MECOM: variants seen among roughly 807,000 people sequenced by gnomAD.
MECOM encodes the protein MDS1 and EVI1 complex locus, also known as histone-lysine N-methyltransferase MECOM.
In MECOM, 13 loss-of-function variants were observed where a neutral mutation model predicts 116.3. That is an observed-to-expected ratio of 0.11 (90% CI 0.07 to 0.18). The LOEUF is 0.18. Among genes scored for constraint, MECOM ranks in the 10% least tolerant of loss-of-function variants. MECOM has a pLI of 1.00. For missense variants in MECOM, 1,299 were observed against 1,509.0 expected (o/e 0.86, Z 2.31); for synonymous variants, 528 against 535.2 (o/e 0.99, Z 0.19).
chr3:169,407,878 G>T (rs74657814), intron 1 of MECOM, among the ~76,000 whole-genome samples: 1 of 152,152 alleles, frequency 6.6e-6, no homozygotes, highest in Non-Finnish European at 1.5e-5. Context: ...ACTTCTTGAT[G>T]GTTATCCAGA....
intron 2 of MECOM, among the ~76,000 whole-genome samples, chr3:169,318,275 T>TTAAA (rs1210352268): frequency 5.9e-4 from 90 of 152,084 alleles, no homozygotes; most frequent in African/African-American, 2.1e-3. Context: ...ATAAATAGGA[T>TTAAA]CTAATTAAAC....
chr3:169,605,588 G>A (rs766280486), intron 1 of MECOM, among the ~76,000 whole-genome samples: 1 of 152,196 alleles, frequency 6.6e-6, no homozygotes, highest in Non-Finnish European at 1.5e-5. Context: ...AAGACAGAAA[G>A]AGTCCCACTG....
At chr3:169,436,788 TGAC>T (rs1211720862) in intron 1 of MECOM, among the ~76,000 whole-genome samples, 2 of 152,286 alleles carry the variant, frequency 1.3e-5, no homozygotes, top group South Asian at 2.1e-4. Flanking sequence ...AAAACAAATA[TGAC>T]TCTGGATTAA....
At chr3:169,144,358 A>C (rs1035728828) in intron 2 of MECOM, among the ~76,000 whole-genome samples, 12 of 152,190 alleles carry the variant, frequency 7.9e-5, no homozygotes, top group Non-Finnish European at 1.8e-4. Context: ...AGGTGCTTCC[A>C]AACAAACTAA....
chr3:169,295,905 T>C (rs567386916), intron 2 of MECOM, among the ~76,000 whole-genome samples: 1 of 152,338 alleles, frequency 6.6e-6, no homozygotes, highest in African/African-American at 2.4e-5. Context: ...AAGTGAGGTT[T>C]TGTTTGATGG....
chr3:169,557,361 C>A (rs981776626), intron 1 of MECOM, among the ~76,000 whole-genome samples: 1 of 152,138 alleles, frequency 6.6e-6, no homozygotes, highest in East Asian at 1.9e-4. Context: ...TAGTCACCAC[C>A]CCACCCTCAT....
chr3:169,216,403 T>A (rs921020409), intron 2 of MECOM, among the ~76,000 whole-genome samples: 5 of 152,186 alleles, frequency 3.3e-5, no homozygotes, highest in African/African-American at 1.2e-4. Flanking sequence ...TGTTTAGGCA[T>A]AGGTGTATCT....
chr3:169,130,218 A>C (rs1484616235), intron 4 of MECOM, among the ~76,000 whole-genome samples: 1 of 152,200 alleles, frequency 6.6e-6, no homozygotes, highest in Non-Finnish European at 1.5e-5. Flanking sequence ...AAATAAAAAT[A>C]ATTGTTTGAA....
Position 169,122,714 on chromosome 3 carries a change from T to A in MECOM, c.844A>T (p.Met282Leu), listed in dbSNP as rs1731447663. The A allele has an allele frequency of 1.9e-6, 3 of 1,613,734 alleles. No individual in the cohort carries two copies. The highest frequency in any genetic ancestry group is 2.5e-6 in the Non-Finnish European group (3 of 1,179,782). ...FPDLQSLEKH[M>L]LSHTEEREYK... ...TCCCTCTCTTCAGTATGTGACAGCA[T>A]GTGTTTCTCCAGGCTGTTAAGAGAA... Residue 282 changes from methionine to leucine, a missense_variant, in exon 6 of 17, where the codon ATG becomes TTG. Coordinates refer to ENST00000651503, the MANE Select transcript of MECOM (RefSeq NM_004991.4).
chr3:169,381,580 C>A, intron 1 of MECOM, 56 bp from the exon 2 acceptor site: 1 of 1,346,822 alleles, frequency 7.4e-7, no homozygotes. Flanking sequence ...GACAAAATTC[C>A]ACAGGGGTAG....
intron 2 of MECOM, among the ~76,000 whole-genome samples, chr3:169,344,572 G>C (rs1369823207): frequency 1.3e-5 from 2 of 152,128 alleles, no homozygotes; most frequent in African/African-American, 4.8e-5. Flanking sequence ...GCCTCTCTGG[G>C]ACCCACTTGC....
At chr3:169,303,200 A>G (rs1459805893) in intron 2 of MECOM, among the ~76,000 whole-genome samples, 3 of 152,180 alleles carry the variant, frequency 2.0e-5, no homozygotes, top group Non-Finnish European at 2.9e-5. Flanking sequence ...TGTCTGTAAC[A>G]TCATCAAAAG....
chr3:169,116,862 C>A, intron 7 of MECOM, 123 bp from the exon 8 acceptor site: 7 of 1,232,062 alleles, frequency 5.7e-6, no homozygotes, highest in East Asian at 2.6e-5. Context: ...TTGGAGGCAC[C>A]AATCTGGGTG....
intron 1 of MECOM, among the ~76,000 whole-genome samples, chr3:169,586,851 A>T (rs1174976861): frequency 6.6e-6 from 1 of 152,248 alleles, no homozygotes; most frequent in East Asian, 1.9e-4. Context: ...TCTGCGCAGC[A>T]GCTTTTAGAA....
intron 1 of MECOM, among the ~76,000 whole-genome samples, chr3:169,579,223 G>A (rs1764841918): frequency 6.6e-6 from 1 of 152,132 alleles, no homozygotes; most frequent in Admixed American, 6.6e-5. Flanking sequence ...AAAAAAACAC[G>A]CTTCATTACA....
intron 2 of MECOM, among the ~76,000 whole-genome samples, chr3:169,188,241 T>C (rs904338334): frequency 5.3e-5 from 8 of 151,904 alleles, no homozygotes; most frequent in Admixed American, 1.3e-4. Flanking sequence ...TCAGCATATC[T>C]CCTACCCTGA....
intron 6 of MECOM, 138 bp downstream of exon 6, chr3:169,122,442 T>C: frequency 1.1e-6 from 1 of 942,360 alleles, no homozygotes; most frequent in Non-Finnish European, 1.6e-6. Flanking sequence ...CCTTTTAGCA[T>C]ACAACACTCA....
intron 2 of MECOM, among the ~76,000 whole-genome samples, chr3:169,261,707 G>C (rs528357378): frequency 1.3e-5 from 2 of 148,684 alleles, no homozygotes; most frequent in Admixed American, 6.6e-5. Flanking sequence ...ATCTCAAGAA[G>C]AAGAAGAAGG....
chr3:169,497,637 C>T (rs1310657641), intron 1 of MECOM, among the ~76,000 whole-genome samples: 1 of 152,186 alleles, frequency 6.6e-6, no homozygotes, highest in East Asian at 1.9e-4. Context: ...GGATTACAGG[C>T]ATGAGACACA....
Sources: gnomAD v4.1 joint callset for allele counts (sites outside exome capture counted in the v4.1 genomes callset) on GRCh38, gnomAD v4.1.1 for gene constraint, MANE v1.5 for transcripts, NCBI Gene and HGNC (gene_info 2026-07-23, HGNC 2026-07-21) for gene names.